Variants in CARNS1 observed in about 807,000 individuals in gnomAD.
CARNS1 encodes the protein ATP-grasp domain containing 1.
In CARNS1, 61 loss-of-function variants were observed where a neutral mutation model predicts 74.0. The ratio of observed to expected loss-of-function variants is 0.82; its 90% CI spans 0.67 to 1.02. CARNS1 has a LOEUF of 1.02. CARNS1 is among the 50% of genes least tolerant of loss of function. The probability of loss-of-function intolerance (pLI) is 0.00; values close to 1 mark genes in which losing one functional copy is unlikely to be tolerated. For missense variants in CARNS1, 1,278 were observed against 1,308.4 expected (o/e 0.98, Z 0.36); for synonymous variants, 568 against 605.5 (o/e 0.94, Z 0.91).
Position 67,417,265 on chromosome 11 carries a change from A to C in CARNS1, c.4-142A>C, listed in dbSNP as rs996805835. ...ATTAACAAGCCTTCGCCCCCAACACAAGCCTTTCCTCTCCTAGTCCCCGGG... is the reference window on the plus strand; with the variant it reads ...ATTAACAAGCCTTCGCCCCCAACACCAGCCTTTCCTCTCCTAGTCCCCGGG... On this transcript the variant is annotated intron_variant, in intron 2 of 9. Transcript: ENST00000687366. 7.3e-6 allele frequency: 9 copies of C among 1,238,424 alleles called. No homozygotes were observed. The South Asian group carries it at 1.9e-4, about 27-fold the overall frequency. The allele number at this position is 1,238,424 out of a possible 1,614,324, so 76.7% of individuals were successfully genotyped here.
intron 2 of CARNS1, 129 bp from the exon 3 acceptor site, chr11:67,417,278 C>T (rs1403047612): frequency 1.6e-6 from 2 of 1,240,806 alleles, no homozygotes; most frequent in Non-Finnish European, 2.0e-6. Context: ...CCTTTCCTCT[C>T]CTAGTCCCCG....
intron 9 of CARNS1, 119 bp downstream of exon 9, chr11:67,421,338 G>A: frequency 8.6e-7 from 1 of 1,160,522 alleles, no homozygotes; most frequent in Non-Finnish European, 1.1e-6. Context: ...CCGCGCTAGA[G>A]GCGGTGCTTG....
chr11:67,424,634 G>A lies in CARNS1; in HGVS notation c.*33G>A. 6.4e-7 allele frequency: 1 copy of A among 1,571,354 alleles called. No homozygotes were observed. Among genetic ancestry groups the A allele is most frequent in the Admixed American group, 1.8e-5 (1 of 56,778 alleles). On this transcript the variant is annotated 3_prime_UTR_variant, in exon 10 of 10. Transcript: ENST00000687366. The stretch of plus-strand genomic sequence containing the variant: ...GTCAGGGGGCAGGGAAGCAGTGCTG[G>A]GTGGAGGCACTGTGGTGCCCTCTGC...
rs1013582332 is a variant in CARNS1, at chr11:67,415,692, A to G, written c.-96A>G. 1.3e-5 allele frequency: 2 copies of G among 151,278 alleles called. No individual in the cohort carries two copies. Among genetic ancestry groups the G allele is most frequent in the African/African-American group, 5.0e-5 (2 of 40,204 alleles). 9.4% of individuals were successfully genotyped at this position (151,278 alleles called of 1,614,324 possible). A position where few individuals can be genotyped will look rare whatever the true frequency, so the allele number is the denominator to read the frequency against. ...TTGGGCCGGGCGCTGTGCCACTGCC[A>G]CCGCCGCCGCCGCTGCATCCCGCCC... On this transcript the variant is annotated 5_prime_UTR_variant, in exon 1 of 10. Transcript: ENST00000687366.
In CARNS1 at chr11:67,423,734, G is replaced by A; in HGVS notation, c.1986G>A (p.Glu662=). ...CACTGGAGAGTGAGGCTGATGTGGA[G>A]AGGGCCGTGCACCAGGTACCCCTGC... The part of the protein sequence containing the change: ...CCPLESEADV[E]RAVHQVPLPG... Residue 662 remains glutamate (E), a synonymous_variant, in exon 10 of 10, where the codon GAG becomes GAA. Coordinates refer to ENST00000687366, the MANE Select transcript of CARNS1 (RefSeq NM_001166222.2). The surrounding 1 kb of genome is among the most constrained non-coding windows in gnomAD (Gnocchi z 5.1). 6.3e-7 allele frequency: 1 copy of A among 1,580,022 alleles called. No homozygotes were observed. Among genetic ancestry groups the A allele is most frequent in the Non-Finnish European group, 8.6e-7 (1 of 1,168,416 alleles).
At position 67,423,742 on chromosome 11, in the gene CARNS1, T is replaced by A; in HGVS notation, c.1994T>A (p.Val665Glu). ...LESEADVERA[V>E]HQVPLPGVMK... ...AGTGAGGCTGATGTGGAGAGGGCCG[T>A]GCACCAGGTACCCCTGCCAGGTGTC... is the stretch of plus-strand genomic sequence containing the variant. Residue 665 changes from valine (V) to glutamate (E), a missense_variant, in exon 10 of 10, where the codon GTG (valine) becomes GAG (glutamate). This residue lies in a region of CARNS1 where 1,164 missense variants were observed against 1,156.5 expected (regional missense o/e 1.01). Coordinates refer to ENST00000687366, the MANE Select transcript of CARNS1 (RefSeq NM_001166222.2). This position sits in a 1 kb window ranked among gnomAD's most constrained non-coding sequence, Gnocchi z 5.1. 1 of 1,582,614 alleles carries A rather than the reference T, an allele frequency of 6.3e-7. No individual in the cohort carries two copies.
chr11:67,418,645 T>G (rs1863608086), intron 4 of CARNS1, 111 bp from the exon 5 acceptor site: 3 of 1,442,412 alleles, frequency 2.1e-6, no homozygotes, highest in Non-Finnish European at 1.8e-6. Flanking sequence ...GCAGCTGCCA[T>G]GCTGAATGGG....
In CARNS1 at chr11:67,417,645, A is replaced by G; in HGVS notation, c.242A>G (p.Glu81Gly). 7.9e-7 allele frequency: 1 copy of G among 1,270,756 alleles called. No individual in the cohort carries two copies. The highest frequency in any genetic ancestry group is 9.9e-7 in the Non-Finnish European group (1 of 1,006,424). 78.7% of individuals were successfully genotyped at this position (1,270,756 alleles called of 1,614,324 possible). Residue 81 changes from glutamate to glycine, a missense_variant, in exon 3 of 10, where the codon GAG becomes GGG. Coordinates refer to ENST00000687366, the MANE Select transcript of CARNS1 (RefSeq NM_001166222.2). The stretch of plus-strand genomic sequence containing the variant: ...TGTCTGCAGCAAGCTGGCCTTCCGG[A>G]GACTCAGGACCGCGGCCAGGTGCCC... ...QSCLQQAGLPETQDRGQVPRT... is the reference protein window; with the variant it reads ...QSCLQQAGLPGTQDRGQVPRT...
In CARNS1 at chr11:67,421,042, G is replaced by A; in HGVS notation, c.1449G>A (p.Leu483=). ...CLEACGALEG[L]WAAPRLGPAA... is the part of the protein sequence containing the mutation. ...AGGCGTGCGGCGCGCTGGAGGGGCT[G>A]TGGGCCGCGCCGCGGCTGGGGCCGG... is the stretch of plus-strand genomic sequence containing the variant. The change falls in exon 9 of 10, where the codon CTG becomes CTA. Residue 483 remains leucine (L), a synonymous_variant. Transcript: ENST00000687366. 2 of 1,360,854 alleles carry A rather than the reference G, an allele frequency of 1.5e-6. No homozygotes were observed. The highest frequency in any genetic ancestry group is 1.9e-6 in the Non-Finnish European group (2 of 1,067,484). 84.3% of individuals were successfully genotyped at this position (1,360,854 alleles called of 1,614,324 possible).
intron 9 of CARNS1, among the ~76,000 whole-genome samples, 181 bp downstream of exon 9, chr11:67,421,400 C>T (rs993670404): frequency 3.9e-5 from 6 of 152,210 alleles, no homozygotes; most frequent in African/African-American, 1.2e-4. Context: ...GGGCGGAGTC[C>T]GCCGCCCGGT....
At position 67,423,548 on chromosome 11, in the gene CARNS1, C is replaced by T. The variant is rs768687463; in HGVS notation, c.1800C>T (p.Cys600=). The T allele has an allele frequency of 1.2e-6, 2 of 1,612,674 alleles. No individual in the cohort carries two copies. Among genetic ancestry groups the T allele is most frequent in the Non-Finnish European group, 8.5e-7 (1 of 1,179,330 alleles). Residue 600 remains cysteine, a synonymous_variant, in exon 10 of 10, where the codon TGC becomes TGT. Coordinates refer to ENST00000687366, the MANE Select transcript of CARNS1 (RefSeq NM_001166222.2). The surrounding 1 kb of genome is among the most constrained non-coding windows in gnomAD (Gnocchi z 5.1). ...GCTGCTTCTCCTACTGGGATGACTGCCTGGTGCTCACAGCCCTGCTCTGCC... is the reference window on the plus strand; with the variant it reads ...GCTGCTTCTCCTACTGGGATGACTGTCTGGTGCTCACAGCCCTGCTCTGCC... The part of the protein sequence containing the change: ...LDGCFSYWDD[C]LVLTALLCQE...
chr11:67,424,726 G>A lies in CARNS1; in HGVS notation c.*125G>A. 8.9e-7 allele frequency: 1 copy of A among 1,124,552 alleles called. No homozygotes were observed. The highest frequency in any genetic ancestry group is 1.2e-6 in the Non-Finnish European group (1 of 811,154). 69.7% of individuals were successfully genotyped at this position (1,124,552 alleles called of 1,614,324 possible). On this transcript the variant is annotated 3_prime_UTR_variant, in exon 10 of 10. Coordinates refer to ENST00000687366, the MANE Select transcript of CARNS1 (RefSeq NM_001166222.2). Reference sequence around the variant, plus strand: ...CAGCCCCAGCCTGGCCCGCTGCAATGCCTAGGTCTGTTCCAGAGCAGCAGG... The same window carrying A: ...CAGCCCCAGCCTGGCCCGCTGCAATACCTAGGTCTGTTCCAGAGCAGCAGG...
At position 67,420,895 on chromosome 11, in the gene CARNS1, G is replaced by A. The variant is rs1180536382; in HGVS notation, c.1346-44G>A. ...GGAGCCGAGGGCCAGGGGCTGGAGG[G>A]CGGTGGCTGCCGTAGCTGAGCTCGC... On this transcript the variant is annotated intron_variant, in intron 8 of 9. Coordinates refer to ENST00000687366, the MANE Select transcript of CARNS1 (RefSeq NM_001166222.2). The A allele has an allele frequency of 2.0e-5, 26 of 1,333,032 alleles. No individual in the cohort carries two copies. The East Asian group carries it at 8.5e-4, about 43-fold the overall frequency. 82.6% of individuals were successfully genotyped at this position (1,333,032 alleles called of 1,614,324 possible).
rs1339971389 is a variant in CARNS1 at position 67,419,314 on chromosome 11, G to C, written c.852+71G>C. 2.0e-6 allele frequency: 3 copies of C among 1,467,736 alleles called. No individual in the cohort carries two copies. In the East Asian group the frequency reaches 7.5e-5, roughly 36 times the overall value. The allele number at this position is 1,467,736 out of a possible 1,614,324, so 90.9% of individuals were successfully genotyped here. A position where few individuals can be genotyped will look rare whatever the true frequency, so the allele number is the denominator to read the frequency against. On this transcript the variant is annotated intron_variant, in intron 5 of 9. Transcript: ENST00000687366. ...GATGGGACCCAGGCACGGTTACCAA[G>C]TCTGGCTGGAAAGGTGTCCCTACCT... is the stretch of plus-strand genomic sequence containing the variant.
chr11:67,418,825 C>T lies in CARNS1; in HGVS notation c.434C>T (p.Ala145Val). The change falls in exon 5 of 10, where the codon GCA (alanine) becomes GTA (valine). Residue 145 changes from alanine to valine, a missense_variant. This residue lies in a region of CARNS1 where 1,164 missense variants were observed against 1,156.5 expected (regional missense o/e 1.01). Coordinates refer to ENST00000687366, the MANE Select transcript of CARNS1 (RefSeq NM_001166222.2). ...CCAGCACCCGGGCAGCCGGGTGAGG[C>T]AGCCCTGCTAGTCTCCAAGGCTGTG... ...KVPAPGQPGE[A>V]ALLVSKAVSF... is the part of the protein sequence containing the mutation. The T allele has an allele frequency of 6.2e-7, 1 of 1,601,054 alleles. No homozygotes were observed.
rs758285713 is a variant in CARNS1 at position 67,419,543 on chromosome 11, C to A, written c.909C>A (p.His303Gln). The part of the protein sequence containing the change: ...RWRGRQAWRL[H>Q]PRAELGAVVD... ...GGGGGCGGCAGGCATGGCGTCTGCA[C>A]CCGCGGGCAGAGCTGGGTGCAGTGG... The change falls in exon 6 of 10, where the codon CAC becomes CAA. Residue 303 changes from histidine to glutamine, a missense_variant. Physicochemically the swap from His to Gln is conservative, Grantham distance 24 (BLOSUM62 0). Transcript: ENST00000687366. 3.1e-6 allele frequency: 5 copies of A among 1,608,396 alleles called. No individual in the cohort carries two copies. Among genetic ancestry groups the A allele is most frequent in the Non-Finnish European group, 4.2e-6 (5 of 1,178,808 alleles).
rs1165719606 is a variant in CARNS1, at chr11:67,418,969, CCCGTGA to C, written c.581_586del (p.Arg194_Asp195del). ...CGGGGCCGAGAGGCAGCAGAACTCG[CCCGTGA>C]CCTGACCTGCCCCACAGGAGCTTCG... is the stretch of plus-strand genomic sequence containing the variant. On this transcript the variant is annotated inframe_deletion, in exon 5 of 10. Transcript: ENST00000687366. 2 of 1,568,070 alleles carry C rather than the reference CCCGTGA, an allele frequency of 1.3e-6. No individual in the cohort carries two copies. The highest frequency in any genetic ancestry group is 1.7e-6 in the Non-Finnish European group (2 of 1,157,130).
In CARNS1 at chr11:67,420,921, G is replaced by T; in HGVS notation, c.1346-18G>T. ...CGGTGGCTGCCGTAGCTGAGCTCGC[G>T]CCTCCCGCCCGGCGCAGGCGTGGAT... On this transcript the variant is annotated intron_variant, in intron 8 of 9. Transcript: ENST00000687366. 1 of 1,369,596 alleles carries T rather than the reference G, an allele frequency of 7.3e-7. No individual in the cohort carries two copies. The allele number at this position is 1,369,596 out of a possible 1,614,324, so 84.8% of individuals were successfully genotyped here. A position where few individuals can be genotyped will look rare whatever the true frequency, so the allele number is the denominator to read the frequency against.
intron 7 of CARNS1, 112 bp from the exon 8 acceptor site, chr11:67,420,497 G>A (rs533956278): frequency 3.5e-6 from 2 of 570,192 alleles, no homozygotes; most frequent in African/African-American, 3.9e-5. Context: ...GGAGGACGGG[G>A]CTTCTTGAAT....
Sources: allele counts gnomAD v4.1 joint callset (sites outside exome capture counted in the v4.1 genomes callset), GRCh38; gene constraint gnomAD v4.1.1; regional missense constraint gnomAD v4.1.1; non-coding constraint Gnocchi (gnomAD v3.1); transcripts MANE v1.5; gene names NCBI Gene and HGNC (gene_info 2026-07-23, HGNC 2026-07-21).